Variants in KLF12 observed in about 807,000 individuals in gnomAD.
The protein encoded by KLF12 is KLF transcription factor 12, also known as Krueppel-like factor 12.
A neutral mutation model predicts 37.8 loss-of-function variants in KLF12; 9 were observed. The observed-to-expected ratio is 0.24, with a 90% confidence interval of 0.14 to 0.42. KLF12 has a LOEUF of 0.42. Ranked by LOEUF, KLF12 falls within the 10% of genes least tolerant of loss-of-function variation. KLF12 has a pLI of 1.00. For missense variants in KLF12, 411 were observed against 516.0 expected (o/e 0.80, Z 1.97); for synonymous variants, 208 against 202.1 (o/e 1.03, Z -0.25).
At chr13:74,275,943 T>C in the KLF12 span, among the ~76,000 whole-genome samples, 1,341 of 148,756 alleles carry the variant, frequency 9.0e-3, 27 homozygotes, top group African/African-American at 0.032. Flanking sequence ...ATTTGCTCTA[T>C]TACTTTTATT....
the KLF12 span, among the ~76,000 whole-genome samples, chr13:74,299,418 T>A: frequency 1.3e-5 from 2 of 152,176 alleles, no homozygotes; most frequent in Non-Finnish European, 2.9e-5. Context: ...GCTTACTTCA[T>A]AAATTGGAGT....
At chr13:73,839,709 G>C (rs192860103) in intron 4 of KLF12, among the ~76,000 whole-genome samples, 2 of 152,098 alleles carry the variant, frequency 1.3e-5, no homozygotes, top group African/African-American at 4.8e-5. Context: ...TTAATTGCAC[G>C]TTATTGCTTA....
intron 6 of KLF12, among the ~76,000 whole-genome samples, chr13:73,754,398 C>T (rs553192142): frequency 1.3e-5 from 2 of 152,258 alleles, no homozygotes; most frequent in South Asian, 2.1e-4. Flanking sequence ...TTTCCTCTGA[C>T]TGGTGTGCCC....
chr13:74,196,096 C>G, the KLF12 span, among the ~76,000 whole-genome samples: 1 of 152,204 alleles, frequency 6.6e-6, no homozygotes, highest in Non-Finnish European at 1.5e-5. Flanking sequence ...TTACCAAGTG[C>G]AAAATGTTTC....
At chr13:73,879,843 A>T (rs1434535270) in intron 3 of KLF12, among the ~76,000 whole-genome samples, 1 of 152,172 alleles carries the variant, frequency 6.6e-6, no homozygotes, top group Non-Finnish European at 1.5e-5. Context: ...CTACCTACTC[A>T]GCAGAGCAAG....
At chr13:73,972,694 T>C (rs931429628) in intron 2 of KLF12, among the ~76,000 whole-genome samples, 15 of 149,530 alleles carry the variant, frequency 1.0e-4, no homozygotes, top group African/African-American at 3.7e-4. Context: ...CGATACGAGG[T>C]GACAGACTCC....
intron 2 of KLF12, among the ~76,000 whole-genome samples, chr13:73,954,680 T>C (rs1359700619): frequency 1.3e-5 from 2 of 152,216 alleles, no homozygotes; most frequent in African/African-American, 4.8e-5. Context: ...ATGCTCACAA[T>C]GCAGAGAAGA....
At position 73,856,215 on chromosome 13, in the gene KLF12, G is replaced by A. The variant is rs568633465; in HGVS notation, c.124-9842C>T. Among the ~76,000 whole-genome samples, 11 of 152,292 alleles carry A rather than the reference G, an allele frequency of 7.2e-5. No individual in the cohort carries two copies. In the South Asian group the frequency reaches 2.3e-3, roughly 32 times the overall value. ...AGAAAGGAGGACAACTGATGTTCCC[G>A]AAAAGGGGGCCATGCCCGCCAGCCA... On this transcript the variant is annotated intron_variant, in intron 3 of 7. Transcript: ENST00000377669.
intron 3 of KLF12, among the ~76,000 whole-genome samples, chr13:73,885,316 T>G (rs1455713703): frequency 6.6e-6 from 1 of 152,238 alleles, no homozygotes; most frequent in Non-Finnish European, 1.5e-5. Context: ...TAATCTTTGA[T>G]TCATTTCTCT....
At chr13:74,057,951 A>C (rs1873339274) in intron 1 of KLF12, among the ~76,000 whole-genome samples, 1 of 151,756 alleles carries the variant, frequency 6.6e-6, no homozygotes, top group Non-Finnish European at 1.5e-5. Flanking sequence ...TCATGCAGCC[A>C]CTTTATAGCT....
rs191682216 is a variant in KLF12, at chr13:74,117,892, A to G, written c.-32+15847T>C. On this transcript the variant is annotated intron_variant, in intron 1 of 7. Transcript: ENST00000377669. ...AGAGACTAAGAAACTGCCACAAAACAGAAAACTTAACAGGTGTAACAACTC... is the reference window on the plus strand; with the variant it reads ...AGAGACTAAGAAACTGCCACAAAACGGAAAACTTAACAGGTGTAACAACTC... Among the ~76,000 whole-genome samples, 181 of 151,798 alleles carry G rather than the reference A, an allele frequency of 1.2e-3. 1 individual carries two copies. The highest frequency in any genetic ancestry group is 4.9e-3 in the Admixed American group (75 of 15,282).
At chr13:73,960,595 T>C (rs1262954499) in intron 2 of KLF12, among the ~76,000 whole-genome samples, 1 of 152,140 alleles carries the variant, frequency 6.6e-6, no homozygotes, top group Admixed American at 6.6e-5. Flanking sequence ...TGCACATACA[T>C]ACAAACACAT....
chr13:73,780,692 C>T (rs1880911659), intron 5 of KLF12, among the ~76,000 whole-genome samples: 1 of 152,186 alleles, frequency 6.6e-6, no homozygotes, highest in Non-Finnish European at 1.5e-5. Context: ...AACCTCCCGA[C>T]CTCTGGTGAT....
chr13:74,006,965 T>G (rs927458409), intron 1 of KLF12, among the ~76,000 whole-genome samples: 4 of 152,178 alleles, frequency 2.6e-5, no homozygotes, highest in Non-Finnish European at 4.4e-5. Flanking sequence ...AGAATTTACA[T>G]TATTTTTTTC....
the KLF12 span, among the ~76,000 whole-genome samples, chr13:74,227,155 G>A: frequency 6.6e-6 from 1 of 151,988 alleles, no homozygotes; most frequent in African/African-American, 2.4e-5. Context: ...CTCAAACATG[G>A]CTCTCTTCAT....
intron 1 of KLF12, among the ~76,000 whole-genome samples, chr13:74,006,330 T>G (rs1039909932): frequency 6.6e-6 from 1 of 152,164 alleles, no homozygotes. Flanking sequence ...TACAGAGGTA[T>G]CTTCCAAGAG....
At chr13:74,053,742 G>T (rs533982290) in intron 1 of KLF12, among the ~76,000 whole-genome samples, 1 of 152,270 alleles carries the variant, frequency 6.6e-6, no homozygotes, top group African/African-American at 2.4e-5. Flanking sequence ...ATTATTGCAT[G>T]AATATTCTTG....
intron 4 of KLF12, chr13:73,845,090 C>G (rs369353166): frequency 6.6e-6 from 1 of 152,136 alleles, no homozygotes; most frequent in East Asian, 1.9e-4. Flanking sequence ...GCATAACTAT[C>G]AAATTTAATG....
intron 2 of KLF12, among the ~76,000 whole-genome samples, chr13:73,949,842 T>C (rs994924576): frequency 1.3e-5 from 2 of 152,222 alleles, no homozygotes; most frequent in Non-Finnish European, 2.9e-5. Flanking sequence ...GCCTTTCATC[T>C]TACATTCTTT....
Sources: gnomAD v4.1 joint callset for allele counts (sites outside exome capture counted in the v4.1 genomes callset) on GRCh38, gnomAD v4.1.1 for gene constraint, MANE v1.5 for transcripts, NCBI Gene and HGNC (gene_info 2026-07-23, HGNC 2026-07-21) for gene names.